CCDC60: variants seen among roughly 807,000 people sequenced by gnomAD.
CCDC60 encodes coiled-coil domain containing 60.
In CCDC60, 54 loss-of-function variants were observed where a neutral mutation model predicts 63.5. The ratio of observed to expected loss-of-function variants is 0.85; its 90% CI spans 0.68 to 1.07. CCDC60 has a LOEUF of 1.07. Ranked by LOEUF, CCDC60 falls within the 50% of genes least tolerant of loss-of-function variation. The pLI, the probability that CCDC60 is intolerant of heterozygous loss-of-function variation, is 0.00. For missense variants in CCDC60, 651 were observed against 684.3 expected (o/e 0.95, Z 0.54); for synonymous variants, 206 against 238.8 (o/e 0.86, Z 1.27).
At chr12:119,489,253 C>A in intron 5 of CCDC60, among the ~76,000 whole-genome samples, 1 of 152,228 alleles carries the variant, frequency 6.6e-6, no homozygotes, top group East Asian at 1.9e-4. Flanking sequence ...ATTCTTTATT[C>A]TTCTTCCTTT....
At chr12:119,419,914 C>A (rs1219585363) in intron 1 of CCDC60, among the ~76,000 whole-genome samples, 4 of 140,940 alleles carry the variant, frequency 2.8e-5, no homozygotes, top group African/African-American at 1.1e-4. Flanking sequence ...CTCGCTCTGT[C>A]GCCCCAGGCT....
chr12:119,465,062 A>G (rs1187549793), intron 2 of CCDC60, among the ~76,000 whole-genome samples: 1 of 152,252 alleles, frequency 6.6e-6, no homozygotes, highest in African/African-American at 2.4e-5. Context: ...CTGTAATCCC[A>G]GCACTTTGGG....
chr12:119,387,875 TAATAA>T (rs1220085973), intron 1 of CCDC60: 1 of 152,230 alleles, frequency 6.6e-6, no homozygotes, highest in Non-Finnish European at 1.5e-5. Context: ...TGCAATGCTA[TAATAA>T]AATACTTGTA....
intron 1 of CCDC60, among the ~76,000 whole-genome samples, chr12:119,377,254 CAA>C (rs60100165): frequency 1.5e-3 from 72 of 47,438 alleles, no homozygotes; most frequent in African/African-American, 2.5e-3. Flanking sequence ...CACTCCATCT[CAA>C]AAAAAAAAAA....
At chr12:119,366,334 A>G (rs908424456) in intron 1 of CCDC60, among the ~76,000 whole-genome samples, 1 of 152,240 alleles carries the variant, frequency 6.6e-6, no homozygotes, top group Non-Finnish European at 1.5e-5. Flanking sequence ...AGACGAGATA[A>G]CATGTCCCAG....
At chr12:119,489,793 C>A (rs960282907) in intron 5 of CCDC60, among the ~76,000 whole-genome samples, 3 of 151,904 alleles carry the variant, frequency 2.0e-5, no homozygotes, top group African/African-American at 7.3e-5. Flanking sequence ...TTCCTCTTCC[C>A]AAAACCTGAG....
At chr12:119,489,036 T>G (rs993598451) in intron 5 of CCDC60, among the ~76,000 whole-genome samples, 170 bp downstream of exon 5, 1 of 152,240 alleles carries the variant, frequency 6.6e-6, no homozygotes, top group African/African-American at 2.4e-5. Context: ...AGACAGCTTA[T>G]GCAGATTCGT....
chr12:119,377,358 G>T (rs551096071), intron 1 of CCDC60, among the ~76,000 whole-genome samples: 33 of 150,182 alleles, frequency 2.2e-4, no homozygotes, highest in African/African-American at 7.8e-4. Context: ...TCCAATTGTT[G>T]TAAAGCCTTG....
intron 1 of CCDC60, among the ~76,000 whole-genome samples, chr12:119,356,926 A>G (rs1955724652): frequency 6.6e-6 from 1 of 152,232 alleles, no homozygotes; most frequent in African/African-American, 2.4e-5. Context: ...ATACATAGAG[A>G]AAAGCACACA....
At chr12:119,440,063 G>T (rs1472213161) in intron 2 of CCDC60, among the ~76,000 whole-genome samples, 1 of 152,018 alleles carries the variant, frequency 6.6e-6, no homozygotes, top group Admixed American at 6.6e-5. Context: ...GGCCTGTCGG[G>T]GGGTGGGGGG....
intron 7 of CCDC60, among the ~76,000 whole-genome samples, chr12:119,514,146 G>A (rs902071444): frequency 2.0e-5 from 3 of 151,778 alleles, no homozygotes; most frequent in African/African-American, 7.3e-5. Flanking sequence ...AGGCTAATGC[G>A]TGTGTTTGTG....
intron 1 of CCDC60, among the ~76,000 whole-genome samples, chr12:119,336,248 AC>A (rs201920226): frequency 2.4e-3 from 283 of 120,192 alleles, no homozygotes; most frequent in African/African-American, 9.2e-3. Flanking sequence ...GTATAATAAT[AC>A]AAAAAAAGGA....
At chr12:119,508,677 G>A (rs1693617221) in intron 7 of CCDC60, among the ~76,000 whole-genome samples, 1 of 152,122 alleles carries the variant, frequency 6.6e-6, no homozygotes, top group Non-Finnish European at 1.5e-5. Context: ...AGGGAGGCAG[G>A]GGCCAGAGCA....
chr12:119,471,097 C>T (rs1951047213), intron 2 of CCDC60, among the ~76,000 whole-genome samples: 1 of 152,226 alleles, frequency 6.6e-6, no homozygotes, highest in African/African-American at 2.4e-5. Flanking sequence ...TTCTCCACCA[C>T]AGGGCTGCTA....
intron 2 of CCDC60, among the ~76,000 whole-genome samples, chr12:119,455,781 G>A (rs866245999): frequency 1.4e-5 from 2 of 138,350 alleles, no homozygotes; most frequent in South Asian, 2.3e-4. Flanking sequence ...AAGAGTGAAA[G>A]AAAGAAAAAG....
chr12:119,510,215 T>G (rs1952176297), intron 7 of CCDC60, among the ~76,000 whole-genome samples: 1 of 152,210 alleles, frequency 6.6e-6, no homozygotes, highest in South Asian at 2.1e-4. Flanking sequence ...GACTCTGCCT[T>G]TTCTCTAATA....
chr12:119,532,860 T>C (rs1356778941), intron 13 of CCDC60, among the ~76,000 whole-genome samples: 3 of 152,162 alleles, frequency 2.0e-5, no homozygotes, highest in Admixed American at 6.5e-5. Flanking sequence ...CTATTGTGAA[T>C]AGTGCTGCAG....
At chr12:119,383,327 G>A (rs376660192) in intron 1 of CCDC60, among the ~76,000 whole-genome samples, 19 of 152,180 alleles carry the variant, frequency 1.2e-4, no homozygotes, top group East Asian at 1.9e-4. Context: ...AAGTCTTCTC[G>A]CCCCACCCAT....
At chr12:119,433,364 C>T (rs1776858386) in intron 2 of CCDC60, 3 of 700,022 alleles carry the variant, frequency 4.3e-6, no homozygotes, top group Non-Finnish European at 7.8e-6. Context: ...TGAGATTTAA[C>T]GTTCTGCTCG....
Sources: allele counts gnomAD v4.1 joint callset (sites outside exome capture counted in the v4.1 genomes callset), GRCh38; gene constraint gnomAD v4.1.1; transcripts MANE v1.5; gene names NCBI Gene and HGNC (gene_info 2026-07-23, HGNC 2026-07-21).